The following SUCLG2 variants were observed in gnomAD, a reference collection of about 807,000 sequenced individuals.
The protein encoded by SUCLG2 is succinate--CoA ligase [GDP-forming] subunit beta, mitochondrial.
SUCLG2 carries 42 observed loss-of-function variants against 47.9 expected under a neutral mutation model. The observed-to-expected ratio is 0.88, with a 90% CI of 0.69 to 1.14. The LOEUF (loss-of-function observed/expected upper bound fraction) is 1.14. Among genes scored for constraint, SUCLG2 ranks in the 50% most tolerant of loss-of-function variants. The pLI, the probability that SUCLG2 is intolerant of heterozygous loss-of-function variation, is 0.00. For missense variants in SUCLG2, 571 were observed against 525.9 expected (o/e 1.09, Z -0.84); for synonymous variants, 195 against 197.3 (o/e 0.99, Z 0.10).
At chr3:67,382,236 A>C (rs943200658) in intron 10 of SUCLG2, among the ~76,000 whole-genome samples, 4 of 152,196 alleles carry the variant, frequency 2.6e-5, no homozygotes, top group Admixed American at 2.6e-4. Flanking sequence ...AGTCAACATC[A>C]TTTTAATCCC....
intron 4 of SUCLG2, among the ~76,000 whole-genome samples, chr3:67,521,280 G>A (rs1706094922): frequency 6.6e-6 from 1 of 152,120 alleles, no homozygotes; most frequent in South Asian, 2.1e-4. Context: ...GGGCAGATAC[G>A]AGCCTACCAG....
At chr3:67,649,540 T>C (rs1423514700) in intron 1 of SUCLG2, among the ~76,000 whole-genome samples, 2 of 132,286 alleles carry the variant, frequency 1.5e-5, no homozygotes, top group African/African-American at 2.8e-5. Context: ...TCCCTCAACT[T>C]CTGCTATCCA....
At position 67,494,848 on chromosome 3, in the gene SUCLG2, A is replaced by T. The variant is rs187971831; in HGVS notation, c.1062+950T>A. ...ATACTGATATTTAACTTCCTTACTA[A>T]ACTAGCTGATTAAATATTAATTGAA... On this transcript the variant is annotated intron_variant, in intron 9 of 10. Coordinates refer to ENST00000307227, the MANE Select transcript of SUCLG2 (RefSeq NM_003848.4). 9.6e-4 allele frequency among the ~76,000 whole-genome samples: 146 copies of T among 152,276 alleles called. 3 individuals are homozygous for T. Among genetic ancestry groups the T allele is most frequent in the Admixed American group, 9.5e-3 (145 of 15,302 alleles).
chr3:67,636,537 A>G (rs1465971270), intron 1 of SUCLG2, among the ~76,000 whole-genome samples: 1 of 152,066 alleles, frequency 6.6e-6, no homozygotes, highest in Admixed American at 6.6e-5. Context: ...TGTTTTTAGT[A>G]GAGACGGGGT....
At chr3:67,409,725 A>G (rs1702894335) in intron 9 of SUCLG2, among the ~76,000 whole-genome samples, 1 of 152,204 alleles carries the variant, frequency 6.6e-6, no homozygotes, top group Admixed American at 6.5e-5. Flanking sequence ...CACATCCTGC[A>G]TAACCACCAA....
intron 9 of SUCLG2, among the ~76,000 whole-genome samples, chr3:67,461,587 T>G (rs1033835552): frequency 6.6e-6 from 1 of 151,722 alleles, no homozygotes; most frequent in Non-Finnish European, 1.5e-5. Context: ...TCATCTAGTA[T>G]CTAGGGGTCC....
intron 2 of SUCLG2, among the ~76,000 whole-genome samples, chr3:67,577,061 G>A (rs1238658153): frequency 2.0e-5 from 3 of 152,172 alleles, no homozygotes; most frequent in African/African-American, 7.2e-5. Context: ...CTGGCCAGGT[G>A]CAGTGGCTCA....
intron 2 of SUCLG2, among the ~76,000 whole-genome samples, chr3:67,534,048 T>G (rs917753407): frequency 2.6e-5 from 4 of 152,144 alleles, no homozygotes; most frequent in African/African-American, 9.7e-5. Context: ...ATTTGAATCG[T>G]GTATGTCTAA....
chr3:67,615,631 C>T (rs1394789748), intron 1 of SUCLG2, among the ~76,000 whole-genome samples: 1 of 151,518 alleles, frequency 6.6e-6, no homozygotes, highest in African/African-American at 2.4e-5. Context: ...AACACACACA[C>T]ACACACACAC....
At chr3:67,411,729 T>C (rs1211492023) in intron 9 of SUCLG2, among the ~76,000 whole-genome samples, 1 of 152,194 alleles carries the variant, frequency 6.6e-6, no homozygotes, top group Non-Finnish European at 1.5e-5. Context: ...CTTTTGTTCA[T>C]TCCAGTAAAA....
At chr3:67,400,022 A>G (rs1012992953) in intron 10 of SUCLG2, among the ~76,000 whole-genome samples, 1 of 149,118 alleles carries the variant, frequency 6.7e-6, no homozygotes, top group African/African-American at 2.5e-5. Context: ...CAAAACAAAC[A>G]AACTAACAAA....
At chr3:67,391,963 G>A (rs781263315) in intron 10 of SUCLG2, among the ~76,000 whole-genome samples, 3 of 152,150 alleles carry the variant, frequency 2.0e-5, no homozygotes, top group Non-Finnish European at 4.4e-5. Context: ...GTCTGAGGTC[G>A]TTCTGTTGCT....
chr3:67,448,716 T>A (rs1475215905), intron 9 of SUCLG2, among the ~76,000 whole-genome samples: 1 of 152,202 alleles, frequency 6.6e-6, no homozygotes, highest in African/African-American at 2.4e-5. Context: ...TAACAATTTA[T>A]CAGAAATATG....
intron 1 of SUCLG2, among the ~76,000 whole-genome samples, chr3:67,623,937 A>G (rs906764117): frequency 3.9e-5 from 6 of 152,202 alleles, no homozygotes; most frequent in Non-Finnish European, 7.3e-5. Context: ...AATGCATCAG[A>G]TTTGACTGTC....
At chr3:67,504,848 G>A (rs1389530662) in intron 7 of SUCLG2, among the ~76,000 whole-genome samples, 1 of 152,174 alleles carries the variant, frequency 6.6e-6, no homozygotes, top group Non-Finnish European at 1.5e-5. Flanking sequence ...ATACATGAAT[G>A]CGCAGGTAGA....
At chr3:67,444,139 T>C (rs1267186902) in intron 9 of SUCLG2, among the ~76,000 whole-genome samples, 15 of 44,448 alleles carry the variant, frequency 3.4e-4, no homozygotes, top group African/African-American at 7.2e-4. Flanking sequence ...TGGCCAGCCG[T>C]GCCGTCCGGG....
At chr3:67,467,486 GA>G (rs1704503089) in intron 9 of SUCLG2, among the ~76,000 whole-genome samples, 1 of 152,194 alleles carries the variant, frequency 6.6e-6, no homozygotes, top group Admixed American at 6.5e-5. Context: ...GGCCTGCAAT[GA>G]CAGACTTTTC....
At chr3:67,571,566 T>C (rs1304397806) in intron 2 of SUCLG2, among the ~76,000 whole-genome samples, 1 of 152,142 alleles carries the variant, frequency 6.6e-6, no homozygotes, top group Non-Finnish European at 1.5e-5. Flanking sequence ...TAAATGAAAC[T>C]AAAATAGCAT....
chr3:67,443,910 G>A lies in SUCLG2; in HGVS notation c.1063-43059C>T, dbSNP rs1439807647. Among the ~76,000 whole-genome samples the A allele has an allele frequency of 4.2e-3, 375 of 90,240 alleles. 2 individuals carry two copies. The highest frequency in any genetic ancestry group is 0.013 in the African/African-American group (364 of 27,370). The allele number at this position is 90,240 out of a possible 152,430, so 59.2% of individuals were successfully genotyped here. A position where few individuals can be genotyped will look rare whatever the true frequency, so the allele number is the denominator to read the frequency against. The stretch of plus-strand genomic sequence containing the variant: ...CTCCACCCGGCAGCCACCCCATCTG[G>A]GAAGTGAGGAGCGTCTCCGCCCGGC... On this transcript the variant is annotated intron_variant, in intron 9 of 10. Coordinates refer to ENST00000307227, the MANE Select transcript of SUCLG2 (RefSeq NM_003848.4).
Sources: gnomAD v4.1 joint callset for allele counts (sites outside exome capture counted in the v4.1 genomes callset) on GRCh38, gnomAD v4.1.1 for gene constraint, MANE v1.5 for transcripts, NCBI Gene and HGNC (gene_info 2026-07-23, HGNC 2026-07-21) for gene names.